Variants in TRHDE observed in about 807,000 individuals in gnomAD.
TRHDE encodes the protein thyrotropin-releasing hormone-degrading ectoenzyme.
TRHDE carries 72 observed loss-of-function variants against 125.7 expected under a neutral mutation model. The observed-to-expected ratio is 0.57, with a 90% CI of 0.47 to 0.70. The LOEUF is 0.70. Among genes scored for constraint, TRHDE ranks in the 30% least tolerant of loss-of-function variants. TRHDE has a pLI of 0.00. For synonymous variants in TRHDE, 509 were observed against 509.1 expected (o/e 1.00, Z 0.00); for missense variants, 1,110 against 1,327.1 (o/e 0.84, Z 2.54).
chr12:72,207,449 G>GA (rs202211659), intron 2 of TRHDE, among the ~76,000 whole-genome samples: 1,833 of 151,956 alleles, frequency 0.012, 40 homozygotes, highest in African/African-American at 0.042. Context: ...ATACTAGTGA[G>GA]AAAAAAGCAC....
chr12:72,638,021 C>A (rs552054920), intron 15 of TRHDE, among the ~76,000 whole-genome samples: 6 of 150,456 alleles, frequency 4.0e-5, no homozygotes, highest in Admixed American at 4.0e-4. Flanking sequence ...CTATTAGGTC[C>A]GCTTGGTGCA....
chr12:72,272,288 C>A, upstream of TRHDE: 1 of 366,126 alleles, frequency 2.7e-6, no homozygotes, highest in South Asian at 2.0e-5. This position sits in a 1 kb window ranked among gnomAD's most constrained non-coding sequence, Gnocchi z 6.7. Flanking sequence ...GAGGCGAGAG[C>A]GCGGCGCAGG....
At chr12:72,205,181 T>C (rs1303234115) in intron 2 of TRHDE, among the ~76,000 whole-genome samples, 2 of 152,204 alleles carry the variant, frequency 1.3e-5, no homozygotes, top group Admixed American at 6.5e-5. Context: ...CTTTGGGTCT[T>C]TGTTCATGCT....
chr12:72,223,800 G>C (rs879260866), intron 2 of TRHDE, among the ~76,000 whole-genome samples: 2 of 151,926 alleles, frequency 1.3e-5, no homozygotes, highest in African/African-American at 2.4e-5. Context: ...TCCCTTTCAG[G>C]TGTACAAAGT....
At chr12:72,129,852 A>T (rs1933382449) in intron 2 of TRHDE, among the ~76,000 whole-genome samples, 1 of 152,252 alleles carries the variant, frequency 6.6e-6, no homozygotes, top group Non-Finnish European at 1.5e-5. Context: ...AATGTAATAG[A>T]TACTATTTGC....
rs892010469 is a variant in TRHDE at position 72,411,190 on chromosome 12, G to A, written c.1315+33069G>A. ...TGCACTCCAGCCTAGGCGACAGAGCGAGACTCCATTTCAAAAAAAAAAAAA... is the reference window on the plus strand; with the variant it reads ...TGCACTCCAGCCTAGGCGACAGAGCAAGACTCCATTTCAAAAAAAAAAAAA... On this transcript the variant is annotated intron_variant, in intron 3 of 18. Transcript: ENST00000261180. 5.0e-4 allele frequency among the ~76,000 whole-genome samples: 70 copies of A among 139,874 alleles called. 1 individual carries two copies. Among genetic ancestry groups the A allele is most frequent in the Middle Eastern group, 4.4e-3 (1 of 226 alleles). The allele number at this position is 139,874 out of a possible 152,430, so 91.8% of individuals were successfully genotyped here. A position where few individuals can be genotyped will look rare whatever the true frequency, so the allele number is the denominator to read the frequency against.
intron 2 of TRHDE, among the ~76,000 whole-genome samples, chr12:72,253,144 A>G (rs1878722451): frequency 6.6e-6 from 1 of 152,216 alleles, no homozygotes; most frequent in Admixed American, 6.5e-5. Context: ...CCAAGAACCT[A>G]TTGATGATAT....
chr12:72,644,880 A>G (rs1237337208), intron 15 of TRHDE, among the ~76,000 whole-genome samples: 1 of 152,082 alleles, frequency 6.6e-6, no homozygotes, highest in African/African-American at 2.4e-5. Context: ...AGTGGCTTGG[A>G]CTGTTAAGAC....
chr12:72,581,712 TTTG>T (rs1871235586), intron 12 of TRHDE, among the ~76,000 whole-genome samples: 1 of 151,698 alleles, frequency 6.6e-6, no homozygotes, highest in African/African-American at 2.4e-5. Context: ...GTTCACAAAC[TTTG>T]TTAAGAAATA....
chr12:72,173,889 G>A (rs998885540), intron 2 of TRHDE, among the ~76,000 whole-genome samples: 3 of 152,036 alleles, frequency 2.0e-5, no homozygotes, highest in East Asian at 3.9e-4. Context: ...TAAGAACAAG[G>A]ACATTCTTAA....
At chr12:72,477,507 C>G (rs952329546) in intron 5 of TRHDE, among the ~76,000 whole-genome samples, 2 of 152,148 alleles carry the variant, frequency 1.3e-5, no homozygotes, top group Non-Finnish European at 2.9e-5. Context: ...AAAGAGGATT[C>G]ATAGCATGAA....
intron 12 of TRHDE, among the ~76,000 whole-genome samples, chr12:72,581,702 G>T (rs949988288): frequency 2.0e-5 from 3 of 151,458 alleles, no homozygotes; most frequent in Non-Finnish European, 4.4e-5. Flanking sequence ...ATTATTTTTA[G>T]TTCACAAACT....
intron 12 of TRHDE, among the ~76,000 whole-genome samples, chr12:72,594,307 G>A (rs1476910221): frequency 1.3e-5 from 2 of 151,916 alleles, no homozygotes; most frequent in South Asian, 4.2e-4. Flanking sequence ...TTGCATAAAT[G>A]TCTTCTTTTG....
chr12:72,377,310 T>TC (rs1871933284), intron 2 of TRHDE, among the ~76,000 whole-genome samples: 1 of 152,004 alleles, frequency 6.6e-6, no homozygotes, highest in Non-Finnish European at 1.5e-5. Flanking sequence ...TAGGCTTTTT[T>TC]TTTTTTTTGG....
intron 2 of TRHDE, among the ~76,000 whole-genome samples, chr12:72,289,137 A>C (rs1879997144): frequency 6.6e-6 from 1 of 152,122 alleles, no homozygotes; most frequent in Admixed American, 6.6e-5. Flanking sequence ...GAAGGAGTGG[A>C]AGTTTAGCTT....
intron 7 of TRHDE, among the ~76,000 whole-genome samples, chr12:72,546,606 C>T (rs1429110790): frequency 1.3e-5 from 2 of 151,536 alleles, no homozygotes; most frequent in East Asian, 1.9e-4. Flanking sequence ...AGATAACCAT[C>T]TCTGAGGGTC....
chr12:72,667,999 AAAT>A lies in TRHDE; in HGVS notation c.*4809_*4811del, dbSNP rs1336821269. On this transcript the variant is annotated 3_prime_UTR_variant, in exon 19 of 19. Coordinates refer to ENST00000261180, the MANE Select transcript of TRHDE (RefSeq NM_013381.3). ...AATTATATATTCTTTAAAGCAGATT[AAAT>A]AATACTTGTCCTAAGCATAATTTAT... 6.6e-6 allele frequency: 1 copy of A among 151,694 alleles called. No homozygotes were observed. Among genetic ancestry groups the A allele is most frequent in the Non-Finnish European group, 1.5e-5 (1 of 67,742 alleles). 9.4% of individuals were successfully genotyped at this position (151,694 alleles called of 1,614,324 possible).
intron 6 of TRHDE, among the ~76,000 whole-genome samples, chr12:72,521,982 C>T (rs751176183): frequency 6.6e-6 from 1 of 152,066 alleles, no homozygotes; most frequent in African/African-American, 2.4e-5. Flanking sequence ...AAATAATAAC[C>T]TCAGTTAACA....
At chr12:72,382,726 A>C (rs1032574160) in intron 3 of TRHDE, among the ~76,000 whole-genome samples, 16 of 152,358 alleles carry the variant, frequency 1.1e-4, no homozygotes, top group African/African-American at 3.8e-4. Context: ...CAAACAAGAA[A>C]GTACAAAAAA....
Sources: gnomAD v4.1 joint callset for allele counts (sites outside exome capture counted in the v4.1 genomes callset) on GRCh38, gnomAD v4.1.1 for gene constraint, Gnocchi (gnomAD v3.1) non-coding constraint, MANE v1.5 for transcripts, NCBI Gene and HGNC (gene_info 2026-07-23, HGNC 2026-07-21) for gene names.